The following PCDHA13 variants were observed in gnomAD, a reference collection of about 807,000 sequenced individuals.
PCDHA13 encodes the protein protocadherin alpha-13.
PCDHA13 carries 54 observed loss-of-function variants against 64.8 expected under a neutral mutation model. The observed-to-expected ratio is 0.83, with a 90% CI of 0.67 to 1.04. PCDHA13 has a LOEUF of 1.04. Ranked by LOEUF, PCDHA13 falls within the 50% of genes least tolerant of loss-of-function variation. The probability of loss-of-function intolerance (pLI) is 0.00; values close to 1 mark genes in which losing one functional copy is unlikely to be tolerated. For missense variants in PCDHA13, 1,248 were observed against 1,254.3 expected, an observed-to-expected ratio of 0.99 and a Z score of 0.08; for synonymous variants, 587 against 564.4, an observed-to-expected ratio of 1.04 and a Z score of -0.57.
At chr5:140,889,910 T>C (rs1554184095) in intron 1 of PCDHA13, among the ~76,000 whole-genome samples, 1 of 152,156 alleles carries the variant, frequency 6.6e-6, no homozygotes, top group East Asian at 1.9e-4. Flanking sequence ...GAGATTGTCA[T>C]ACTGTAAAGA....
At chr5:140,993,462 T>TCACACACACACACACA (rs3836747) in intron 3 of PCDHA13, among the ~76,000 whole-genome samples, 10 of 140,938 alleles carry the variant, frequency 7.1e-5, no homozygotes, top group African/African-American at 2.4e-4. Flanking sequence ...TCTTTCTTTC[T>TCACACACACACACACA]CACACACACA....
At chr5:140,962,203 C>T (rs1431150597) in intron 1 of PCDHA13, among the ~76,000 whole-genome samples, 1 of 152,086 alleles carries the variant, frequency 6.6e-6, no homozygotes, top group African/African-American at 2.4e-5. Flanking sequence ...CTTCCTATCT[C>T]CTTATTGATC....
chr5:140,982,420 G>A, intron 2 of PCDHA13, 55 bp from the exon 3 acceptor site: 1 of 1,611,062 alleles, frequency 6.2e-7, no homozygotes, highest in Non-Finnish European at 8.5e-7. Context: ...GGTGGAAGAA[G>A]AGATGGGAAA....
Position 141,002,363 on chromosome 5 carries a change from A to G in PCDHA13, c.2543-7264A>G, listed in dbSNP as rs75749580. On this transcript the variant is annotated intron_variant, in intron 3 of 3. Transcript: ENST00000289272. ...CCTTCCCCCACCTCCACTCCTTTCAACTCATTCTGGCTTAGGGCTCCTGCT... is the reference window on the plus strand; with the variant it reads ...CCTTCCCCCACCTCCACTCCTTTCAGCTCATTCTGGCTTAGGGCTCCTGCT... Among the ~76,000 whole-genome samples, 567 of 152,272 alleles carry G rather than the reference A, an allele frequency of 3.7e-3. 5 individuals are homozygous for G. Among genetic ancestry groups the G allele is most frequent in the African/African-American group, 0.013 (537 of 41,558 alleles).
chr5:140,995,949 G>T (rs781875497), intron 3 of PCDHA13, among the ~76,000 whole-genome samples: 1 of 152,160 alleles, frequency 6.6e-6, no homozygotes, highest in African/African-American at 2.4e-5. Context: ...CATAATGCAC[G>T]CAAAATGCTT....
chr5:140,890,966 T>C (rs2062882231), intron 1 of PCDHA13, among the ~76,000 whole-genome samples: 1 of 152,206 alleles, frequency 6.6e-6, no homozygotes, highest in African/African-American at 2.4e-5. Flanking sequence ...TCAGGTTTTG[T>C]TTTTCTGAAA....
At position 140,990,539 on chromosome 5, in the gene PCDHA13, A is replaced by G. The variant is rs2097398985; in HGVS notation, c.2542+7976A>G. ...TGTCTTTTTTGACTGTGCATCATAG[A>G]TACTGTATTACCCAAGAACACACAC... is the stretch of plus-strand genomic sequence containing the variant. On this transcript the variant is annotated intron_variant, in intron 3 of 3. Transcript: ENST00000289272. Among the ~76,000 whole-genome samples the G allele has an allele frequency of 2.6e-5, 4 of 152,262 alleles. No homozygotes were observed. In the South Asian group the frequency reaches 6.2e-4, roughly 24 times the overall value.
intron 3 of PCDHA13, among the ~76,000 whole-genome samples, chr5:141,003,559 T>C (rs2098129977): frequency 6.6e-6 from 1 of 152,106 alleles, no homozygotes; most frequent in Admixed American, 6.5e-5. Context: ...GTGATCCACC[T>C]GCCTCAGACT....
At position 140,884,569 on chromosome 5, in the gene PCDHA13, G is replaced by A. The variant is rs144735555; in HGVS notation, c.2301G>A (p.Thr767=). The part of the protein sequence containing the change: ...RVCSGEGPHK[T]DLMAFSPSLP... ...GCTCTGGGGAGGGCCCGCATAAGACGGACCTCATGGCCTTCAGTCCCAGCC... is the reference window on the plus strand; with the variant it reads ...GCTCTGGGGAGGGCCCGCATAAGACAGACCTCATGGCCTTCAGTCCCAGCC... The change falls in exon 1 of 4, where the codon ACG becomes ACA. Residue 767 remains threonine, a synonymous_variant. Transcript: ENST00000289272. 1.2e-6 allele frequency: 2 copies of A among 1,614,008 alleles called. No homozygotes were observed. Among genetic ancestry groups the A allele is most frequent in the East Asian group, 2.2e-5 (1 of 44,878 alleles).
At chr5:140,886,605 A>G (rs998772471) in intron 1 of PCDHA13, among the ~76,000 whole-genome samples, 2 of 152,108 alleles carry the variant, frequency 1.3e-5, no homozygotes, top group Non-Finnish European at 2.9e-5. Flanking sequence ...AGGTGGGCGG[A>G]TCAGGAGATC....
intron 3 of PCDHA13, among the ~76,000 whole-genome samples, chr5:141,006,247 T>C (rs1554260651): frequency 2.0e-5 from 3 of 152,126 alleles, no homozygotes; most frequent in Non-Finnish European, 2.9e-5. Context: ...AGTCTTGCTC[T>C]GTTGCCCAGG....
rs1554229569 is a variant in PCDHA13, at chr5:140,967,454, G to A, written c.2395-11495G>A. ...CTTGCACCACCTGGTTCTCACAGCCGTGGATGGGGGCATCCCAGCCCGCTC... is the reference window on the plus strand; with the variant it reads ...CTTGCACCACCTGGTTCTCACAGCCATGGATGGGGGCATCCCAGCCCGCTC... On this transcript the variant is annotated intron_variant, in intron 1 of 3. Transcript: ENST00000289272. 6.2e-7 allele frequency: 1 copy of A among 1,613,614 alleles called. No individual in the cohort carries two copies. Among genetic ancestry groups the A allele is most frequent in the Admixed American group, 1.7e-5 (1 of 60,010 alleles).
chr5:141,002,494 C>CGGT (rs2098083464), intron 3 of PCDHA13, among the ~76,000 whole-genome samples: 1 of 152,228 alleles, frequency 6.6e-6, no homozygotes, highest in Admixed American at 6.5e-5. Flanking sequence ...CCTTGTTATA[C>CGGT]AGCTCAGGAT....
At chr5:140,915,825 C>T (rs1272581051) in intron 1 of PCDHA13, among the ~76,000 whole-genome samples, 1 of 152,118 alleles carries the variant, frequency 6.6e-6, no homozygotes, top group Non-Finnish European at 1.5e-5. Flanking sequence ...GGCCCTAGGG[C>T]TCTAAGATCA....
At position 140,899,912 on chromosome 5, in the gene PCDHA13, A is replaced by G. The variant is rs574794282; in HGVS notation, c.2394+15250A>G. The stretch of plus-strand genomic sequence containing the variant: ...AGCCTTGACATCCTGGGCTCAAGCA[A>G]TCCTCCTGCCTCAGCCTCCTGAATA... On this transcript the variant is annotated intron_variant, in intron 1 of 3. Transcript: ENST00000289272. Among the ~76,000 whole-genome samples the G allele has an allele frequency of 2.0e-5, 3 of 152,154 alleles. No homozygotes were observed. In the East Asian group the frequency reaches 5.8e-4, roughly 29 times the overall value.
intron 3 of PCDHA13, among the ~76,000 whole-genome samples, chr5:140,985,922 G>A (rs1361292887): frequency 6.6e-6 from 1 of 151,826 alleles, no homozygotes; most frequent in African/African-American, 2.4e-5. Flanking sequence ...TGTATTTTTA[G>A]TAGAGCCGGG....
chr5:140,935,447 A>G (rs542363713), intron 1 of PCDHA13, among the ~76,000 whole-genome samples: 1 of 152,364 alleles, frequency 6.6e-6, no homozygotes, highest in South Asian at 2.1e-4. Flanking sequence ...AAATAATATG[A>G]TACTGTAGCA....
intron 1 of PCDHA13, among the ~76,000 whole-genome samples, chr5:140,971,325 T>C (rs1273585971): frequency 3.9e-5 from 6 of 152,190 alleles, no homozygotes; most frequent in African/African-American, 1.4e-4. Context: ...AGGGAGAAAA[T>C]TATTTCAGAA....
intron 2 of PCDHA13, among the ~76,000 whole-genome samples, chr5:140,979,453 A>G (rs2096852067): frequency 6.6e-6 from 1 of 151,906 alleles, no homozygotes; most frequent in Admixed American, 6.6e-5. Flanking sequence ...TATTACCCTC[A>G]ATAATTGATT....
Sources: gnomAD v4.1 joint callset for allele counts (sites outside exome capture counted in the v4.1 genomes callset) on GRCh38, gnomAD v4.1.1 for gene constraint, MANE v1.5 for transcripts, NCBI Gene and HGNC (gene_info 2026-07-23, HGNC 2026-07-21) for gene names.